The following ISOC1 variants were observed in gnomAD, a reference collection of about 807,000 sequenced individuals.
ISOC1 encodes the protein isochorismatase domain containing 1, also known as isochorismatase domain-containing protein 1.
Under a neutral mutation model 30.0 loss-of-function variants are expected in ISOC1, and 33 were observed. That is an observed-to-expected ratio of 1.10 (90% confidence interval 0.83 to 1.47). The LOEUF (loss-of-function observed/expected upper bound fraction) is 1.47. Ranked by LOEUF, ISOC1 falls within the 40% of genes most tolerant of loss-of-function variation. The probability of loss-of-function intolerance (pLI) is 0.00; values close to 1 mark genes in which losing one functional copy is unlikely to be tolerated. For missense variants in ISOC1, 372 were observed against 388.0 expected, an observed-to-expected ratio of 0.96 and a Z score of 0.35; for synonymous variants, 178 against 159.8, an observed-to-expected ratio of 1.11 and a Z score of -0.86.
chr5:129,095,568 CCCG>C (rs1298444642), intron 1 of ISOC1, among the ~76,000 whole-genome samples: 2 of 152,224 alleles, frequency 1.3e-5, no homozygotes, highest in Non-Finnish European at 2.9e-5. Flanking sequence ...CCCATTCCCC[CCCG>C]CCTTCCCAGG....
rs535741105 is a variant in ISOC1 at position 129,109,371 on chromosome 5, G to A, written c.750+2309G>A. The stretch of plus-strand genomic sequence containing the variant: ...TAGGATTTTTGTGAGAATGGAATGA[G>A]ATAATATATTGATAGCAGTTAGGAC... On this transcript the variant is annotated intron_variant, in intron 4 of 4. Transcript: ENST00000173527. Among the ~76,000 whole-genome samples the A allele has an allele frequency of 8.5e-5, 13 of 152,344 alleles. No homozygotes were observed. The South Asian group carries it at 2.7e-3, about 32-fold the overall frequency.
At chr5:129,095,129 C>A in intron 1 of ISOC1, 54 bp downstream of exon 1, 1 of 1,458,760 alleles carries the variant, frequency 6.9e-7, no homozygotes, top group East Asian at 2.6e-5. Flanking sequence ...TCCCCGTCCC[C>A]GTCCCTGTCC....
chr5:129,110,654 C>T (rs1371703289), intron 4 of ISOC1, among the ~76,000 whole-genome samples: 2 of 152,196 alleles, frequency 1.3e-5, no homozygotes, highest in Admixed American at 1.3e-4. Context: ...CCTGCTATGG[C>T]CACCTGAGTC....
At chr5:129,096,269 T>C (rs1166607195) in intron 1 of ISOC1, among the ~76,000 whole-genome samples, 1 of 152,230 alleles carries the variant, frequency 6.6e-6, no homozygotes, top group Non-Finnish European at 1.5e-5. Context: ...AGTCACGCTA[T>C]TGTGCTACTG....
intron 1 of ISOC1, among the ~76,000 whole-genome samples, chr5:129,103,129 A>G (rs950020344): frequency 4.6e-5 from 7 of 152,142 alleles, no homozygotes; most frequent in Admixed American, 1.3e-4. Context: ...CCCTAAACAC[A>G]TTGTGGATGC....
intron 4 of ISOC1, among the ~76,000 whole-genome samples, chr5:129,108,453 G>A (rs1753663945): frequency 1.3e-5 from 2 of 151,698 alleles, no homozygotes; most frequent in African/African-American, 4.8e-5. Flanking sequence ...TTATCTGGTA[G>A]TTAGGTACTA....
At position 129,103,007 on chromosome 5, in the gene ISOC1, AT is replaced by A. The variant is rs200867551; in HGVS notation, c.310-1940del. The stretch of plus-strand genomic sequence containing the variant: ...ACTGCCCAGGAATTTTATTTTTCAA[AT>A]TTTTTTTTGTTTTTGCTGGTTCTCA... On this transcript the variant is annotated intron_variant, in intron 1 of 4. Transcript: ENST00000173527. Among the ~76,000 whole-genome samples, 6 of 151,624 alleles carry A rather than the reference AT, an allele frequency of 4.0e-5. No homozygotes were observed. In the South Asian group the frequency reaches 6.2e-4, roughly 16 times the overall value.
chr5:129,099,579 C>T (rs1443965212), intron 1 of ISOC1, among the ~76,000 whole-genome samples: 1 of 152,178 alleles, frequency 6.6e-6, no homozygotes, highest in Non-Finnish European at 1.5e-5. Flanking sequence ...ATCTGGAAAT[C>T]TACTTTATAA....
At chr5:129,103,873 T>A (rs1321419219) in intron 1 of ISOC1, among the ~76,000 whole-genome samples, 1 of 152,150 alleles carries the variant, frequency 6.6e-6, no homozygotes, top group Non-Finnish European at 1.5e-5. Flanking sequence ...TGATAATGGT[T>A]CATTCAGGAC....
intron 3 of ISOC1, among the ~76,000 whole-genome samples, chr5:129,105,705 A>G (rs1753630109): frequency 6.6e-6 from 1 of 152,144 alleles, no homozygotes; most frequent in Non-Finnish European, 1.5e-5. Context: ...ATTTTTAACT[A>G]CTACTTTTGG....
chr5:129,102,630 A>G (rs1239939834), intron 1 of ISOC1, among the ~76,000 whole-genome samples: 5 of 152,210 alleles, frequency 3.3e-5, no homozygotes, highest in Admixed American at 6.5e-5. Flanking sequence ...AGTTTTCTTA[A>G]TGAGTGTGCT....
chr5:129,113,736 T>C lies in ISOC1; in HGVS notation c.*735T>C, dbSNP rs1753739968. On this transcript the variant is annotated 3_prime_UTR_variant, in exon 5 of 5. Coordinates refer to ENST00000173527, the MANE Select transcript of ISOC1 (RefSeq NM_016048.2). ...TTGAAGTATGGCTTGCTGAATATCT[T>C]TACCAACATCTTGAATATATATTCT... The C allele has an allele frequency of 6.6e-6, 1 of 152,292 alleles. No homozygotes were observed. The highest frequency in any genetic ancestry group is 2.1e-4 in the South Asian group (1 of 4,830). The allele number at this position is 152,292 out of a possible 1,614,324, so 9.4% of individuals were successfully genotyped here.
At chr5:129,095,881 G>A (rs1753494490) in intron 1 of ISOC1, among the ~76,000 whole-genome samples, 1 of 152,158 alleles carries the variant, frequency 6.6e-6, no homozygotes, top group Admixed American at 6.5e-5. Flanking sequence ...GGATCAGATT[G>A]TTCACTGGCG....
chr5:129,106,503 A>G (rs1753639855), intron 3 of ISOC1, among the ~76,000 whole-genome samples: 1 of 152,194 alleles, frequency 6.6e-6, no homozygotes, highest in Admixed American at 6.5e-5. Context: ...AGAGTGCCTC[A>G]TAATGACTCA....
chr5:129,099,538 T>C (rs558569410), intron 1 of ISOC1, among the ~76,000 whole-genome samples: 20 of 152,368 alleles, frequency 1.3e-4, no homozygotes, highest in Admixed American at 6.5e-5. Context: ...GGAACAATCT[T>C]GTCTTAGTGA....
chr5:129,101,161 CAAAAAAAAA>C (rs1156603818), intron 1 of ISOC1, among the ~76,000 whole-genome samples: 5 of 19,504 alleles, frequency 2.6e-4, no homozygotes, highest in African/African-American at 7.7e-4. Context: ...CTCAGCTAAT[CAAAAAAAAA>C]AAAAAAAAAA....
Position 129,095,018 on chromosome 5 carries a change from C to A in ISOC1, c.252C>A (p.Pro84=). Residue 84 remains proline, a synonymous_variant, in exon 1 of 5, where the codon CCC becomes CCA. Transcript: ENST00000173527. ...AGTGGGGCCAGTACGTGGACTTGCC[C>A]AAGGGCTTCGCGGTGAGCGAGCGCT... ...AEEWGQYVDL[P]KGFAVSERCK... is the part of the protein sequence containing the mutation. 6.2e-7 allele frequency: 1 copy of A among 1,603,574 alleles called. No individual in the cohort carries two copies.
In ISOC1 at chr5:129,106,885, A is replaced by C. The variant is rs1753643943; in HGVS notation, c.634-61A>C. The C allele has an allele frequency of 5.2e-6, 6 of 1,164,040 alleles. 1 individual carries two copies. Among genetic ancestry groups the C allele is most frequent in the South Asian group, 5.1e-5 (4 of 78,564 alleles). 72.1% of individuals were successfully genotyped at this position (1,164,040 alleles called of 1,614,324 possible). On this transcript the variant is annotated intron_variant, in intron 3 of 4. Transcript: ENST00000173527. ...TGTCTGCTTTATCATGTTGTTGTAC[A>C]TTTGTAAACTACTTTTAGTTTATTA... is the stretch of plus-strand genomic sequence containing the variant.
At chr5:129,104,848 C>A in intron 1 of ISOC1, 108 bp from the exon 2 acceptor site, 3 of 1,047,916 alleles carry the variant, frequency 2.9e-6, no homozygotes, top group Non-Finnish European at 4.1e-6. Flanking sequence ...TAGAAATTGA[C>A]TTACTGGCTC....
Sources: allele counts gnomAD v4.1 joint callset (sites outside exome capture counted in the v4.1 genomes callset), GRCh38; gene constraint gnomAD v4.1.1; transcripts MANE v1.5; gene names NCBI Gene and HGNC (gene_info 2026-07-23, HGNC 2026-07-21).